The following TOX variants were observed in gnomAD, a reference collection of about 807,000 sequenced individuals.
The protein encoded by TOX is thymocyte selection-associated high mobility group box protein TOX.
A neutral mutation model predicts 53.7 loss-of-function variants in TOX; 11 were observed. That is an observed-to-expected ratio of 0.20 (90% confidence interval 0.13 to 0.34). The LOEUF (loss-of-function observed/expected upper bound fraction) is 0.34, where lower values mean the gene tolerates loss of function less well. Ranked by LOEUF, TOX falls within the 10% of genes least tolerant of loss-of-function variation. TOX has a pLI of 1.00. For missense variants in TOX, 570 were observed against 664.6 expected, an observed-to-expected ratio of 0.86 and a Z score of 1.56; for synonymous variants, 225 against 245.3, an observed-to-expected ratio of 0.92 and a Z score of 0.77.
chr8:59,002,349 T>C (rs1180115453), intron 1 of TOX, among the ~76,000 whole-genome samples: 1 of 149,980 alleles, frequency 6.7e-6, no homozygotes, highest in African/African-American at 2.4e-5. Context: ...TCCCAGCACT[T>C]TGGGAGGCCG....
chr8:59,046,213 G>C (rs72651375), intron 1 of TOX, among the ~76,000 whole-genome samples: 16 of 152,050 alleles, frequency 1.1e-4, no homozygotes, highest in Non-Finnish European at 2.4e-4. Flanking sequence ...TATTTATGGA[G>C]AGCCTACCAT....
At chr8:59,055,269 A>G (rs1049638592) in intron 1 of TOX, among the ~76,000 whole-genome samples, 2 of 152,186 alleles carry the variant, frequency 1.3e-5, no homozygotes, top group African/African-American at 4.8e-5. Context: ...AACCCTACCC[A>G]TGGATCAACA....
intron 1 of TOX, among the ~76,000 whole-genome samples, chr8:59,003,553 GA>G: frequency 6.6e-6 from 1 of 152,292 alleles, no homozygotes; most frequent in South Asian, 2.1e-4. Context: ...AAGACGGGGG[GA>G]AAAGGAATGA....
intron 7 of TOX, 96 bp downstream of exon 7, chr8:58,815,242 T>C: frequency 6.9e-7 from 1 of 1,445,168 alleles, no homozygotes; most frequent in Non-Finnish European, 9.2e-7. Context: ...AAAACACATA[T>C]CCCCAATCCT....
chr8:58,975,362 C>A (rs909636459), intron 1 of TOX, among the ~76,000 whole-genome samples: 9 of 151,758 alleles, frequency 5.9e-5, no homozygotes, highest in African/African-American at 1.7e-4. Context: ...AGTCTATGAC[C>A]AGGTTCTCTT....
intron 1 of TOX, among the ~76,000 whole-genome samples, chr8:59,051,585 G>A (rs1803789718): frequency 6.6e-6 from 1 of 152,014 alleles, no homozygotes; most frequent in South Asian, 2.1e-4. Flanking sequence ...CTAGAAACTG[G>A]TCACACAAAG....
intron 2 of TOX, among the ~76,000 whole-genome samples, chr8:58,953,046 T>A (rs1812650014): frequency 6.6e-6 from 1 of 152,162 alleles, no homozygotes; most frequent in African/African-American, 2.4e-5. Context: ...ATGGCCTATT[T>A]ACTTTTTTTT....
At chr8:59,040,279 A>C (rs959288444) in intron 1 of TOX, among the ~76,000 whole-genome samples, 5 of 145,116 alleles carry the variant, frequency 3.4e-5, no homozygotes, top group Non-Finnish European at 1.5e-5. Flanking sequence ...CAGTGAGCCG[A>C]GATCCCGCCA....
chr8:59,022,115 G>C (rs1814146728), intron 1 of TOX, among the ~76,000 whole-genome samples: 1 of 152,078 alleles, frequency 6.6e-6, no homozygotes, highest in African/African-American at 2.4e-5. Context: ...AAATGCAGAA[G>C]GTGTTTATGA....
Position 58,908,109 on chromosome 8 carries a change from C to A in TOX, c.411+31193G>T, listed in dbSNP as rs149169547. 3.2e-3 allele frequency among the ~76,000 whole-genome samples: 494 copies of A among 152,252 alleles called. 1 individual carries two copies. The highest frequency in any genetic ancestry group is 0.011 in the African/African-American group (460 of 41,536). On this transcript the variant is annotated intron_variant, in intron 3 of 8. Coordinates refer to ENST00000361421, the MANE Select transcript of TOX (RefSeq NM_014729.3). ...TCTCTGCCTTTCCCAGAGCCCCCGC[C>A]ATAGGCCCCCAGTGTGTGTTTTTCC...
rs35882293 is a variant in TOX, at chr8:59,107,046, T to TGCGGGG, written c.102+11839_102+11840insCCCCGC. ...ACAATGATCTTATAAAGCAGTTTGC[T>TGCGGGG]GGGGGGGGGGGGAACGTGACATTTC... On this transcript the variant is annotated intron_variant, in intron 1 of 8. Transcript: ENST00000361421. Among the ~76,000 whole-genome samples the TGCGGGG allele has an allele frequency of 4.8e-4, 28 of 58,198 alleles. No individual in the cohort carries two copies. The East Asian group carries it at 8.4e-3, about 18-fold the overall frequency. 38.2% of individuals were successfully genotyped at this position (58,198 alleles called of 152,430 possible). A position where few individuals can be genotyped will look rare whatever the true frequency, so the allele number is the denominator to read the frequency against.
intron 5 of TOX, among the ~76,000 whole-genome samples, chr8:58,828,455 A>G (rs1336001602): frequency 6.6e-6 from 1 of 152,168 alleles, no homozygotes; most frequent in Non-Finnish European, 1.5e-5. Flanking sequence ...TAAGTATGAA[A>G]CTAAAGAAAC....
At chr8:59,098,023 G>A (rs1331816885) in intron 1 of TOX, among the ~76,000 whole-genome samples, 1 of 151,854 alleles carries the variant, frequency 6.6e-6, no homozygotes, top group Non-Finnish European at 1.5e-5. Context: ...CCATCATTTG[G>A]AGTAACCAGC....
At chr8:59,100,589 C>T (rs976697976) in intron 1 of TOX, among the ~76,000 whole-genome samples, 1 of 152,104 alleles carries the variant, frequency 6.6e-6, no homozygotes, top group African/African-American at 2.4e-5. Context: ...ATGAGATTCA[C>T]GGAATTATTT....
At chr8:59,002,402 C>T (rs1288490651) in intron 1 of TOX, among the ~76,000 whole-genome samples, 1 of 151,246 alleles carries the variant, frequency 6.6e-6, no homozygotes, top group Non-Finnish European at 1.5e-5. Flanking sequence ...ACCATCCTGG[C>T]TAACACGGTG....
intron 1 of TOX, among the ~76,000 whole-genome samples, chr8:59,097,848 A>G (rs1563445809): frequency 6.6e-6 from 1 of 152,228 alleles, no homozygotes; most frequent in South Asian, 2.1e-4. Context: ...TATCTCTGGT[A>G]CTACTTTAAC....
intron 1 of TOX, among the ~76,000 whole-genome samples, chr8:58,967,110 G>A (rs954333446): frequency 3.3e-5 from 5 of 151,906 alleles, no homozygotes; most frequent in African/African-American, 9.7e-5. Flanking sequence ...TCCTGACCTC[G>A]TGATCTGCCC....
intron 1 of TOX, among the ~76,000 whole-genome samples, chr8:59,094,447 G>C (rs1804675543): frequency 6.6e-6 from 1 of 152,062 alleles, no homozygotes; most frequent in African/African-American, 2.4e-5. Flanking sequence ...AGACCAGCCT[G>C]GCCAACGTAG....
At chr8:58,954,755 T>C (rs1812682737) in intron 2 of TOX, among the ~76,000 whole-genome samples, 1 of 152,202 alleles carries the variant, frequency 6.6e-6, no homozygotes, top group South Asian at 2.1e-4. Flanking sequence ...CTCTCTGGAC[T>C]CAAGAGTTAG....
Sources: allele counts gnomAD v4.1 joint callset (sites outside exome capture counted in the v4.1 genomes callset), GRCh38; gene constraint gnomAD v4.1.1; transcripts MANE v1.5; gene names NCBI Gene and HGNC (gene_info 2026-07-23, HGNC 2026-07-21).